NSF: variants seen among roughly 807,000 people sequenced by gnomAD.
NSF encodes the protein vesicle-fusing ATPase.
A neutral mutation model predicts 50.3 loss-of-function variants in NSF; 14 were observed. The observed-to-expected ratio is 0.28, with a 90% CI of 0.18 to 0.44. NSF has a LOEUF of 0.44. Ranked by LOEUF, NSF falls within the 20% of genes least tolerant of loss-of-function variation. The pLI, the probability that NSF is intolerant of heterozygous loss-of-function variation, is 1.00. For synonymous variants in NSF, 109 were observed against 175.7 expected, an observed-to-expected ratio of 0.62 and a Z score of 3.00; for missense variants, 218 against 504.3, an observed-to-expected ratio of 0.43 and a Z score of 5.44.
chr17:46,749,951 A>G, intron 18 of NSF, 44 bp downstream of exon 18: 1 of 1,595,902 alleles, frequency 6.3e-7, no homozygotes, highest in South Asian at 1.1e-5. Context: ...TAAGAAAGGA[A>G]TTGAGGCTGA....
At chr17:46,720,958 C>T (rs1464161549) in intron 15 of NSF, among the ~76,000 whole-genome samples, 1 of 151,004 alleles carries the variant, frequency 6.6e-6, no homozygotes, top group Admixed American at 6.6e-5. Flanking sequence ...CTTGTGTAGA[C>T]TCTGGAGCCC....
At chr17:46,635,777 A>ATGTATGTG (rs1555669096) in intron 4 of NSF, among the ~76,000 whole-genome samples, 1 of 116,704 alleles carries the variant, frequency 8.6e-6, no homozygotes, top group Admixed American at 8.7e-5. Flanking sequence ...GGGAAAATAA[A>ATGTATGTG]TGTGTGTGTG....
intron 13 of NSF, among the ~76,000 whole-genome samples, chr17:46,708,057 G>A (rs1044360953): frequency 6.7e-6 from 1 of 150,302 alleles, no homozygotes; most frequent in Admixed American, 6.6e-5. Flanking sequence ...AAAAATCCAT[G>A]ATATGTACAT....
At chr17:46,713,824 T>C (rs776955515) in intron 14 of NSF, 29 bp from the exon 15 acceptor site, 3 of 1,597,082 alleles carry the variant, frequency 1.9e-6, no homozygotes, top group East Asian at 2.3e-5. Flanking sequence ...TTGGCTTTTT[T>C]CCCCTGACTT....
Position 46,751,596 on chromosome 17 carries a change from C to A in NSF, c.2137C>A (p.Leu713Met). The change falls in exon 19 of 21, where the codon CTG becomes ATG. Residue 713 changes from leucine (L) to methionine (M), a missense_variant. Coordinates refer to ENST00000398238, the MANE Select transcript of NSF (RefSeq NM_006178.4). ...GATAGGAATCAAGAAGTTACTAATG[C>A]TGATCGAGATGTCCCTACAGGTAAG... ...VWIGIKKLLMLIEMSLQMDPE... is the reference protein window; with the variant it reads ...VWIGIKKLLMMIEMSLQMDPE... The A allele has an allele frequency of 6.2e-7, 1 of 1,612,662 alleles. No individual in the cohort carries two copies. Among genetic ancestry groups the A allele is most frequent in the Non-Finnish European group, 8.5e-7 (1 of 1,178,816 alleles).
At chr17:46,734,551 A>G (rs570282984) in intron 17 of NSF, among the ~76,000 whole-genome samples, 226 of 152,222 alleles carry the variant, frequency 1.5e-3, no homozygotes, top group African/African-American at 5.2e-3. Flanking sequence ...GTGTGTGTGT[A>G]TATATACATA....
At chr17:46,737,868 G>A (rs2059024633) in intron 17 of NSF, among the ~76,000 whole-genome samples, 1 of 151,688 alleles carries the variant, frequency 6.6e-6, no homozygotes, top group Admixed American at 6.6e-5. Flanking sequence ...CTGCAGCAAT[G>A]GAGAGAGAAG....
chr17:46,718,200 C>T (rs2058793356), intron 15 of NSF, among the ~76,000 whole-genome samples: 1 of 152,224 alleles, frequency 6.6e-6, no homozygotes, highest in Non-Finnish European at 1.5e-5. Context: ...CCCTGACCCA[C>T]CCCAGTGAGT....
chr17:46,707,466 C>T (rs1345883256), intron 13 of NSF, among the ~76,000 whole-genome samples: 1 of 152,040 alleles, frequency 6.6e-6, no homozygotes, highest in Non-Finnish European at 1.5e-5. Flanking sequence ...GTATAATCAT[C>T]ACCACCATCC....
chr17:46,631,084 A>ACACACACACACACACACACACACACACG (rs2058134014), intron 4 of NSF, among the ~76,000 whole-genome samples: 1 of 145,586 alleles, frequency 6.9e-6, no homozygotes, highest in Admixed American at 6.7e-5. Context: ...ACACACACAC[A>ACACACACACACACACACACACACACACG]CACACACACA....
intron 9 of NSF, among the ~76,000 whole-genome samples, chr17:46,684,691 C>T (rs999186399): frequency 3.2e-4 from 48 of 149,930 alleles, no homozygotes; most frequent in Non-Finnish European, 2.7e-4. Context: ...GGAAAACTGG[C>T]TAGCCATATG....
At chr17:46,622,314 C>T (rs1456967669) in intron 1 of NSF, among the ~76,000 whole-genome samples, 7 of 146,742 alleles carry the variant, frequency 4.8e-5, no homozygotes, top group South Asian at 2.1e-4. Context: ...AAAAATTAGC[C>T]AGGCGTGGTG....
At position 46,756,025 on chromosome 17, in the gene NSF, A is replaced by G; in HGVS notation, c.*202A>G. The G allele has an allele frequency of 1.8e-5, 10 of 563,896 alleles. No individual in the cohort carries two copies. Among genetic ancestry groups the G allele is most frequent in the South Asian group, 5.0e-5 (2 of 40,256 alleles). The allele number at this position is 563,896 out of a possible 1,614,324, so 34.9% of individuals were successfully genotyped here. ...GCTTAGTGTCTCGTGGAAGGTGTCA[A>G]TTTGGTTTAGAATGCTGCGCTTACC... On this transcript the variant is annotated 3_prime_UTR_variant, in exon 21 of 21. Transcript: ENST00000398238.
chr17:46,729,773 G>A (rs2058930855), intron 17 of NSF, among the ~76,000 whole-genome samples: 1 of 152,084 alleles, frequency 6.6e-6, no homozygotes, highest in South Asian at 2.1e-4. Context: ...TCTTAAACTG[G>A]TGAATCTAAT....
In NSF at chr17:46,749,754, AT is replaced by A; in HGVS notation, c.1909-15del. 1 of 1,606,604 alleles carries A rather than the reference AT, an allele frequency of 6.2e-7. No homozygotes were observed. The highest frequency in any genetic ancestry group is 8.5e-7 in the Non-Finnish European group (1 of 1,175,334). On this transcript the variant is annotated intron_variant, in intron 17 of 20. Coordinates refer to ENST00000398238, the MANE Select transcript of NSF (RefSeq NM_006178.4). Reference sequence around the variant, plus strand: ...AGTCTTATTATGTACATTTTAACACATTTTCTCCCTATGATCAGGGCCGCAA... The same window carrying A: ...AGTCTTATTATGTACATTTTAACACATTTCTCCCTATGATCAGGGCCGCAA...
chr17:46,731,089 G>A (rs189425906), intron 17 of NSF, among the ~76,000 whole-genome samples: 27 of 152,026 alleles, frequency 1.8e-4, no homozygotes, highest in Admixed American at 6.6e-5. Flanking sequence ...ATTCATAGCA[G>A]CATTATTCAT....
At chr17:46,738,761 T>G (rs1202777033) in intron 17 of NSF, among the ~76,000 whole-genome samples, 1 of 152,230 alleles carries the variant, frequency 6.6e-6, no homozygotes, top group African/African-American at 2.4e-5. Flanking sequence ...CTGCTATAAA[T>G]TAAGGCAGGC....
chr17:46,696,355 C>A (rs1271193822), intron 12 of NSF, among the ~76,000 whole-genome samples: 1 of 140,834 alleles, frequency 7.1e-6, no homozygotes, highest in Non-Finnish European at 1.5e-5. Flanking sequence ...CATTAAGCTG[C>A]CCTCAGTCTA....
chr17:46,625,680 CA>C lies in NSF; in HGVS notation c.99-925del, dbSNP rs918522739. ...ATATAAGGAACATGTGTTCTAGTGG[CA>C]AAAAAAATACGTATAGAAACATTAG... On this transcript the variant is annotated intron_variant, in intron 2 of 20. Coordinates refer to ENST00000398238, the MANE Select transcript of NSF (RefSeq NM_006178.4). Among the ~76,000 whole-genome samples, 28 of 70,126 alleles carry C rather than the reference CA, an allele frequency of 4.0e-4. 1 individual carries two copies. Among genetic ancestry groups the C allele is most frequent in the African/African-American group, 2.1e-3 (26 of 12,264 alleles). The allele number at this position is 70,126 out of a possible 152,430, so 46.0% of individuals were successfully genotyped here.
Sources: allele counts gnomAD v4.1 joint callset (sites outside exome capture counted in the v4.1 genomes callset), GRCh38; gene constraint gnomAD v4.1.1; transcripts MANE v1.5; gene names NCBI Gene and HGNC (gene_info 2026-07-23, HGNC 2026-07-21).